The following SCAMP1 variants were observed in gnomAD, a reference collection of about 807,000 sequenced individuals.
SCAMP1 encodes the protein secretory carrier membrane protein 1.
A neutral mutation model predicts 41.8 loss-of-function variants in SCAMP1; 15 were observed. The observed-to-expected ratio is 0.36, with a 90% confidence interval of 0.24 to 0.55. The LOEUF is 0.55. SCAMP1 is among the 20% of genes least tolerant of loss of function. The pLI is 0.86. For missense variants in SCAMP1, 341 were observed against 412.6 expected, an observed-to-expected ratio of 0.83 and a Z score of 1.50; for synonymous variants, 135 against 136.8, an observed-to-expected ratio of 0.99 and a Z score of 0.09.
In SCAMP1 at chr5:78,387,252, A is replaced by C. The variant is rs190143363; in HGVS notation, c.58-1585A>C. Among the ~76,000 whole-genome samples, 22 of 151,302 alleles carry C rather than the reference A, an allele frequency of 1.5e-4. 1 individual carries two copies. The highest frequency in any genetic ancestry group is 1.5e-4 in the Non-Finnish European group (10 of 67,912). On this transcript the variant is annotated intron_variant, in intron 1 of 8. Transcript: ENST00000621999. ...CTACTAGCTCGATTTTATTGCTGAG[A>C]CTTTCCAGTACATTTTTCATTTCTC...
chr5:78,383,083 CT>C (rs928676035), intron 1 of SCAMP1, among the ~76,000 whole-genome samples: 19 of 152,020 alleles, frequency 1.2e-4, no homozygotes, highest in African/African-American at 4.6e-4. Flanking sequence ...AAAGTGTTCC[CT>C]TTTTACCACA....
chr5:78,360,790 AGTTC>A (rs1750622793), intron 1 of SCAMP1, 62 bp downstream of exon 1: 3 of 1,497,182 alleles, frequency 2.0e-6, no homozygotes, highest in East Asian at 2.4e-5. Flanking sequence ...AAAACGGACG[AGTTC>A]CTTCGCGCCC....
chr5:78,457,731 C>G (rs1213638740), intron 7 of SCAMP1: 1 of 153,740 alleles, frequency 6.5e-6, no homozygotes, highest in Non-Finnish European at 1.4e-5. Flanking sequence ...AGCTTCCCGG[C>G]TGCTTTGTTT....
intron 4 of SCAMP1, 63 bp from the exon 5 acceptor site, chr5:78,418,710 CAA>C (rs562940641): frequency 9.1e-7 from 1 of 1,098,284 alleles, no homozygotes; most frequent in East Asian, 2.8e-5. Context: ...TATTATGAAA[CAA>C]AAAATAATAT....
chr5:78,454,195 C>T (rs1753320922), intron 7 of SCAMP1, among the ~76,000 whole-genome samples: 2 of 151,436 alleles, frequency 1.3e-5, no homozygotes, highest in South Asian at 4.2e-4. Context: ...GCCTAATTGC[C>T]CTGGCCAGAA....
At chr5:78,396,214 C>T (rs2112100416) in intron 2 of SCAMP1, among the ~76,000 whole-genome samples, 1 of 152,200 alleles carries the variant, frequency 6.6e-6, no homozygotes, top group South Asian at 2.1e-4. Flanking sequence ...ATAGAATGTA[C>T]AACACCAAGA....
rs1753986222 is a variant in SCAMP1 at position 78,475,627 on chromosome 5, T to C, written c.976T>C (p.Ser326Pro). 1.2e-6 allele frequency: 2 copies of C among 1,600,162 alleles called. No homozygotes were observed. Among genetic ancestry groups the C allele is most frequent in the African/African-American group, 2.7e-5 (2 of 74,676 alleles). The change falls in exon 9 of 9, where the codon TCT becomes CCT. Residue 326 changes from serine (S) to proline (P), a missense_variant. Coordinates refer to ENST00000621999, the MANE Select transcript of SCAMP1 (RefSeq NM_004866.6). Reference protein sequence around the residue: ...AAANAASTAASSAAQNAFKGN... With the variant: ...AAANAASTAAPSAAQNAFKGN... ...TGCAAATGCAGCTTCAACTGCAGCA[T>C]CTAGTGCAGCTCAGAATGCTTTCAA...
At chr5:78,431,418 G>A (rs1046977203) in intron 6 of SCAMP1, among the ~76,000 whole-genome samples, 1 of 150,892 alleles carries the variant, frequency 6.6e-6, no homozygotes, top group Non-Finnish European at 1.5e-5. Context: ...TAATTAATGT[G>A]CTTATGCCAT....
At chr5:78,463,661 G>A (rs145199046) in intron 8 of SCAMP1, among the ~76,000 whole-genome samples, 3 of 152,280 alleles carry the variant, frequency 2.0e-5, no homozygotes, top group Admixed American at 1.3e-4. Flanking sequence ...ATTGTGAAAT[G>A]TATAAAATGG....
intron 5 of SCAMP1, 87 bp from the exon 6 acceptor site, chr5:78,421,714 T>C: frequency 8.8e-7 from 1 of 1,138,516 alleles, no homozygotes; most frequent in Non-Finnish European, 1.3e-6. Context: ...TCTTAGGAAG[T>C]ATTTTTTTAT....
intron 2 of SCAMP1, among the ~76,000 whole-genome samples, chr5:78,393,785 T>C (rs1280863692): frequency 6.6e-6 from 1 of 152,170 alleles, no homozygotes; most frequent in Non-Finnish European, 1.5e-5. Flanking sequence ...TAAGAATTGA[T>C]GTATGTTTAT....
Position 78,477,758 on chromosome 5 carries a change from TGAGA to T in SCAMP1, c.*2095_*2098del, listed in dbSNP as rs1754038322. On this transcript the variant is annotated 3_prime_UTR_variant, in exon 9 of 9. Transcript: ENST00000621999. ...AAAATCCAGTTATTTAATATGAGTT[TGAGA>T]GAGAAAATTGTTTTTTAAAAATATA... is the stretch of plus-strand genomic sequence containing the variant. 6.6e-6 allele frequency: 1 copy of T among 152,168 alleles called. No homozygotes were observed. Among genetic ancestry groups the T allele is most frequent in the African/African-American group, 2.4e-5 (1 of 41,458 alleles). The allele number at this position is 152,168 out of a possible 1,614,324, so 9.4% of individuals were successfully genotyped here. A position where few individuals can be genotyped will look rare whatever the true frequency, so the allele number is the denominator to read the frequency against.
intron 1 of SCAMP1, among the ~76,000 whole-genome samples, chr5:78,361,374 TG>T (rs927555034): frequency 1.3e-5 from 2 of 152,226 alleles, no homozygotes; most frequent in Admixed American, 1.3e-4. Context: ...TAAACATATC[TG>T]GAAAACAATA....
At chr5:78,384,487 C>T (rs139819336) in intron 1 of SCAMP1, among the ~76,000 whole-genome samples, 18 of 152,066 alleles carry the variant, frequency 1.2e-4, no homozygotes, top group Non-Finnish European at 2.2e-4. Flanking sequence ...ACTTCCAGTA[C>T]GGTGTAGAAT....
At chr5:78,449,870 T>G in intron 6 of SCAMP1, 63 bp from the exon 7 acceptor site, 1 of 842,122 alleles carries the variant, frequency 1.2e-6, no homozygotes, top group Non-Finnish European at 1.9e-6. Context: ...AAAAATGACG[T>G]TTTTCCCCTT....
intron 2 of SCAMP1, among the ~76,000 whole-genome samples, chr5:78,408,548 G>A (rs1362774523): frequency 2.0e-5 from 3 of 152,108 alleles, no homozygotes; most frequent in African/African-American, 7.2e-5. Context: ...GTCCATGTGG[G>A]TAGTGGAATT....
chr5:78,439,204 G>A (rs1752851326), intron 6 of SCAMP1, among the ~76,000 whole-genome samples: 1 of 152,178 alleles, frequency 6.6e-6, no homozygotes, highest in Non-Finnish European at 1.5e-5. Flanking sequence ...GGGGCATTTA[G>A]CCCATTTACA....
chr5:78,394,365 C>T (rs1002413017), intron 2 of SCAMP1, among the ~76,000 whole-genome samples: 2 of 151,892 alleles, frequency 1.3e-5, no homozygotes, highest in African/African-American at 4.8e-5. Context: ...ACAATGAAGG[C>T]AGGGAGGAAA....
chr5:78,391,110 C>G (rs1018488552), intron 2 of SCAMP1, among the ~76,000 whole-genome samples: 8 of 151,536 alleles, frequency 5.3e-5, no homozygotes, highest in Admixed American at 5.2e-4. Context: ...CCTTTCCCCC[C>G]TTTCCACTCC....
Sources: allele counts gnomAD v4.1 joint callset (sites outside exome capture counted in the v4.1 genomes callset), GRCh38; gene constraint gnomAD v4.1.1; transcripts MANE v1.5; gene names NCBI Gene and HGNC (gene_info 2026-07-23, HGNC 2026-07-21).